Variants in DIO1 observed in about 807,000 individuals in gnomAD.
DIO1 encodes the protein iodothyronine deiodinase 1.
A neutral mutation model predicts 25.9 loss-of-function variants in DIO1; 17 were observed. That is an observed-to-expected ratio of 0.66 (90% CI 0.45 to 0.98). The LOEUF (loss-of-function observed/expected upper bound fraction) is 0.98, where lower values mean the gene tolerates loss of function less well. Ranked by LOEUF, DIO1 falls within the 50% of genes least tolerant of loss-of-function variation. The pLI is 0.00. For synonymous variants in DIO1, 115 were observed against 114.0 expected (o/e 1.01, Z -0.05); for missense variants, 270 against 310.4 (o/e 0.87, Z 0.98).
In DIO1 at chr1:53,910,698, T is replaced by C. The variant is rs1323027384; in HGVS notation, c.*699T>C. The C allele has an allele frequency of 6.6e-6, 1 of 152,318 alleles. No homozygotes were observed. The highest frequency in any genetic ancestry group is 1.9e-4 in the East Asian group (1 of 5,198). 9.4% of individuals were successfully genotyped at this position (152,318 alleles called of 1,614,324 possible). Reference sequence around the variant, plus strand: ...TCACTTTACCATCTTTGAATATATTTCATAGAAATCTAGCTCTCTGTACCC... The same window carrying C: ...TCACTTTACCATCTTTGAATATATTCCATAGAAATCTAGCTCTCTGTACCC... On this transcript the variant is annotated 3_prime_UTR_variant, in exon 4 of 4. Transcript: ENST00000361921.
At chr1:53,899,871 T>C (rs1349366492) in intron 1 of DIO1, among the ~76,000 whole-genome samples, 1 of 152,098 alleles carries the variant, frequency 6.6e-6, no homozygotes, top group Non-Finnish European at 1.5e-5. Context: ...TCCTGCTATG[T>C]TGCCCAGGCT....
At chr1:53,905,326 A>T (rs778520630) in intron 2 of DIO1, among the ~76,000 whole-genome samples, 3 of 151,944 alleles carry the variant, frequency 2.0e-5, no homozygotes, top group Non-Finnish European at 1.5e-5. Flanking sequence ...GGCATACGCC[A>T]CCATGCCCAG....
chr1:53,897,348 C>A (rs1883457), intron 1 of DIO1, among the ~76,000 whole-genome samples: 20,810 of 152,136 alleles, frequency 0.14, 1,606 homozygotes, highest in South Asian at 0.25. Context: ...TGGTGGCATG[C>A]ACCTATAATC....
intron 3 of DIO1, among the ~76,000 whole-genome samples, chr1:53,907,839 A>G (rs1474309124): frequency 2.1e-5 from 3 of 140,246 alleles, no homozygotes; most frequent in Non-Finnish European, 3.0e-5. Flanking sequence ...TGTACCCGGG[A>G]GGCAGAGGTT....
At chr1:53,906,030 C>CTAAA in intron 2 of DIO1, 65 bp from the exon 3 acceptor site, 2 of 1,479,664 alleles carry the variant, frequency 1.4e-6, no homozygotes. Context: ...AAGTGAGGGG[C>CTAAA]TATTTAGTCT....
rs116292248 is a variant in DIO1 at position 53,904,296 on chromosome 1, T to C, written c.338-370T>C. On this transcript the variant is annotated intron_variant, in intron 1 of 3. Coordinates refer to ENST00000361921, the MANE Select transcript of DIO1 (RefSeq NM_000792.7). ...AAATGTGTAAAACTCAGTTTCTTTG[T>C]CTATAAAATGGGGGGAAAAAATGAC... 3.7e-3 allele frequency among the ~76,000 whole-genome samples: 558 copies of C among 152,276 alleles called. 4 individuals are homozygous for C. The highest frequency in any genetic ancestry group is 0.013 in the African/African-American group (521 of 41,548).
chr1:53,901,678 A>C (rs1341890361), intron 1 of DIO1, among the ~76,000 whole-genome samples: 1 of 152,130 alleles, frequency 6.6e-6, no homozygotes, highest in Non-Finnish European at 1.5e-5. Context: ...TAGAATACAA[A>C]ATAGGGAATT....
At chr1:53,900,761 C>T (rs1286626734) in intron 1 of DIO1, among the ~76,000 whole-genome samples, 1 of 152,084 alleles carries the variant, frequency 6.6e-6, no homozygotes, top group East Asian at 1.9e-4. Context: ...CCTGTCAATT[C>T]TGCCTTCTCC....
At chr1:53,899,660 A>G (rs1156641357) in intron 1 of DIO1, among the ~76,000 whole-genome samples, 7 of 152,180 alleles carry the variant, frequency 4.6e-5, no homozygotes, top group Non-Finnish European at 1.0e-4. Context: ...GATCATGACC[A>G]TAAGTCTTTT....
intron 2 of DIO1, among the ~76,000 whole-genome samples, chr1:53,905,384 G>C (rs965700414): frequency 4.0e-5 from 6 of 151,806 alleles, no homozygotes; most frequent in East Asian, 1.9e-4. Context: ...CATGTTACTC[G>C]GGCTGGTCTC....
At chr1:53,908,436 G>T (rs1651774371) in intron 3 of DIO1, among the ~76,000 whole-genome samples, 1 of 152,164 alleles carries the variant, frequency 6.6e-6, no homozygotes, top group Non-Finnish European at 1.5e-5. Flanking sequence ...CAATTCTGCT[G>T]TTATAGCACA....
Position 53,894,926 on chromosome 1 carries a change from C to A in DIO1, c.337+379C>A, listed in dbSNP as rs1028267702. On this transcript the variant is annotated intron_variant, in intron 1 of 3. Coordinates refer to ENST00000361921, the MANE Select transcript of DIO1 (RefSeq NM_000792.7). The surrounding 1 kb of genome is among the most constrained non-coding windows in gnomAD (Gnocchi z 4.9). ...CCAAGCCCAACTCTCCCATACTAGG[C>A]TACCCTCTCTCATCTGCCTGCTTAA... Among the ~76,000 whole-genome samples the A allele has an allele frequency of 1.3e-5, 2 of 152,224 alleles. No homozygotes were observed. The highest frequency in any genetic ancestry group is 2.9e-5 in the Non-Finnish European group (2 of 68,046).
intron 1 of DIO1, among the ~76,000 whole-genome samples, chr1:53,903,467 A>G (rs1237442593): frequency 2.0e-5 from 3 of 151,810 alleles, no homozygotes; most frequent in African/African-American, 7.3e-5. Context: ...CTCTCACTCT[A>G]TGAATACCCC....
chr1:53,906,034 T>G, intron 2 of DIO1, 61 bp from the exon 3 acceptor site: 1 of 1,518,954 alleles, frequency 6.6e-7, no homozygotes, highest in South Asian at 1.1e-5. Context: ...GAGGGGCTAT[T>G]TAGTCTGCAG....
intron 1 of DIO1, among the ~76,000 whole-genome samples, chr1:53,897,293 T>C (rs540305889): frequency 2.0e-5 from 3 of 152,178 alleles, no homozygotes; most frequent in East Asian, 3.9e-4. Context: ...CTGGCCAACA[T>C]GATGAAACCT....
intron 1 of DIO1, among the ~76,000 whole-genome samples, chr1:53,895,969 C>T (rs1651051047): frequency 1.3e-5 from 2 of 152,166 alleles, no homozygotes; most frequent in African/African-American, 4.8e-5. Context: ...CATGTGCTCT[C>T]TCCCTTCGGC....
intron 1 of DIO1, among the ~76,000 whole-genome samples, chr1:53,900,170 C>T (rs1441685279): frequency 6.6e-6 from 1 of 152,178 alleles, no homozygotes; most frequent in Non-Finnish European, 1.5e-5. Flanking sequence ...GAATATAAGC[C>T]AATTTTGTTT....
chr1:53,894,401 C>A lies in DIO1; in HGVS notation c.191C>A (p.Thr64Asn), dbSNP rs1266334415. 1 of 1,614,240 alleles carries A rather than the reference C, an allele frequency of 6.2e-7. No individual in the cohort carries two copies. The highest frequency in any genetic ancestry group is 1.1e-5 in the South Asian group (1 of 91,084). Residue 64 changes from threonine (T) to asparagine (N), a missense_variant, in exon 1 of 4, where the codon ACC becomes AAC. Transcript: ENST00000361921. The surrounding 1 kb of genome is among the most constrained non-coding windows in gnomAD (Gnocchi z 4.9). ...TTCAGCCACGACAACTGGATACCAA[C>A]CTTTTTCAGCACCCAGTATTTCTGG... ...PHFSHDNWIP[T>N]FFSTQYFWFV...
chr1:53,905,963 C>A, intron 2 of DIO1, 132 bp from the exon 3 acceptor site: 1 of 793,400 alleles, frequency 1.3e-6, no homozygotes, highest in Non-Finnish European at 2.0e-6. Flanking sequence ...CACATTCAAC[C>A]ATAATGGGAA....
Sources: allele counts gnomAD v4.1 joint callset (sites outside exome capture counted in the v4.1 genomes callset), GRCh38; gene constraint gnomAD v4.1.1; non-coding constraint Gnocchi (gnomAD v3.1); transcripts MANE v1.5; gene names NCBI Gene and HGNC (gene_info 2026-07-23, HGNC 2026-07-21).